ITGA8: variants seen among roughly 807,000 people sequenced by gnomAD.
ITGA8 encodes the protein integrin subunit alpha 8.
In ITGA8, 91 loss-of-function variants were observed where a neutral mutation model predicts 142.3. That is an observed-to-expected ratio of 0.64 (90% confidence interval 0.54 to 0.76). The LOEUF (loss-of-function observed/expected upper bound fraction) is 0.76, where lower values mean the gene tolerates loss of function less well. Among genes scored for constraint, ITGA8 ranks in the 30% least tolerant of loss-of-function variants. The probability of loss-of-function intolerance (pLI) is 0.00; values close to 1 mark genes in which losing one functional copy is unlikely to be tolerated. For synonymous variants in ITGA8, 505 were observed against 485.2 expected (o/e 1.04, Z -0.54); for missense variants, 1,406 against 1,327.7 (o/e 1.06, Z -0.92).
chr10:15,558,077 T>C lies in ITGA8; in HGVS notation c.2763A>G (p.Ile921Met). The change falls in exon 26 of 30, where the codon ATA becomes ATG. Residue 921 changes from isoleucine to methionine, a missense_variant. By Grantham distance (10) the Ile-to-Met change is conservative. Coordinates refer to ENST00000378076, the MANE Select transcript of ITGA8 (RefSeq NM_003638.3). Reference sequence around the variant, plus strand: ...TATGCACACTGGGATAACTCACCAGTATTTTTGCAGGGCTCTGTCTGTGGA... The same window carrying C: ...TATGCACACTGGGATAACTCACCAGCATTTTTGCAGGGCTCTGTCTGTGGA... ...VEFHRQSPAKILNCTNIECLQ... is the reference protein window; with the variant it reads ...VEFHRQSPAKMLNCTNIECLQ... 6.2e-7 allele frequency: 1 copy of C among 1,613,962 alleles called. No individual in the cohort carries two copies. Among genetic ancestry groups the C allele is most frequent in the Non-Finnish European group, 8.5e-7 (1 of 1,180,024 alleles).
At chr10:15,650,579 C>T (rs899658249) in intron 11 of ITGA8, among the ~76,000 whole-genome samples, 1 of 152,126 alleles carries the variant, frequency 6.6e-6, no homozygotes, top group African/African-American at 2.4e-5. Context: ...AGATGCGGCC[C>T]CTTGACCTTG....
chr10:15,545,401 C>T (rs1177999984), intron 27 of ITGA8, among the ~76,000 whole-genome samples: 1 of 152,224 alleles, frequency 6.6e-6, no homozygotes, highest in Non-Finnish European at 1.5e-5. Flanking sequence ...TGGACTATTG[C>T]AGTAGCTTCC....
chr10:15,661,358 C>G (rs566557971), intron 8 of ITGA8, among the ~76,000 whole-genome samples: 1 of 152,270 alleles, frequency 6.6e-6, no homozygotes, highest in South Asian at 2.1e-4. Flanking sequence ...CCATCCCTCA[C>G]CCCCACATCT....
intron 28 of ITGA8, among the ~76,000 whole-genome samples, chr10:15,524,715 G>C (rs1006411097): frequency 2.0e-5 from 3 of 152,200 alleles, no homozygotes; most frequent in African/African-American, 7.2e-5. Context: ...CGACTTAACT[G>C]ATCACTTTTA....
chr10:15,622,609 A>AACC (rs760656535), intron 13 of ITGA8, among the ~76,000 whole-genome samples: 431 of 114,972 alleles, frequency 3.7e-3, no homozygotes, highest in Non-Finnish European at 7.3e-3. Flanking sequence ...AAACAAAAAA[A>AACC]AAACCACATG....
intron 26 of ITGA8, 138 bp from the exon 27 acceptor site, chr10:15,548,706 A>C: frequency 1.8e-6 from 1 of 546,236 alleles, no homozygotes; most frequent in Non-Finnish European, 3.1e-6. Context: ...AGAACAATAT[A>C]TTGCAACAAC....
At position 15,517,260 on chromosome 10, in the gene ITGA8, T is replaced by G. The variant is rs1201709542; in HGVS notation, c.3106-16A>C. On this transcript the variant is annotated splice_polypyrimidine_tract_variant and intron_variant, in intron 29 of 29. Transcript: ENST00000378076. ...AGAATCCACACTATAAAGGGAAAGA[T>G]GGGCTATAAAATCACGTCATTCTGG... 1 of 1,562,864 alleles carries G rather than the reference T, an allele frequency of 6.4e-7. No individual in the cohort carries two copies. Among genetic ancestry groups the G allele is most frequent in the African/African-American group, 1.4e-5 (1 of 72,938 alleles).
At position 15,572,387 on chromosome 10, in the gene ITGA8, G is replaced by GTTATC. The variant is rs780758548; in HGVS notation, c.2479-23_2479-19dup. 45 of 1,611,714 alleles carry GTTATC rather than the reference G, an allele frequency of 2.8e-5. No homozygotes were observed. Among genetic ancestry groups the GTTATC allele is most frequent in the Middle Eastern group, 1.7e-4 (1 of 6,050 alleles). Reference sequence around the variant, plus strand: ...TTGTGCAGCTGTAAACAAGTGACATGTTATCTAATGACCCAGCAGAAGGCA... The same window carrying GTTATC: ...TTGTGCAGCTGTAAACAAGTGACATGTTATCTTATCTAATGACCCAGCAGAAGGCA... On this transcript the variant is annotated intron_variant, in intron 24 of 29. Coordinates refer to ENST00000378076, the MANE Select transcript of ITGA8 (RefSeq NM_003638.3).
intron 2 of ITGA8, among the ~76,000 whole-genome samples, chr10:15,717,050 T>C (rs1835467496): frequency 6.6e-6 from 1 of 152,250 alleles, no homozygotes; most frequent in African/African-American, 2.4e-5. Flanking sequence ...TTCTCTGGTT[T>C]TTAATCTGTT....
chr10:15,520,968 C>A (rs1833055376), intron 28 of ITGA8, among the ~76,000 whole-genome samples: 2 of 152,184 alleles, frequency 1.3e-5, no homozygotes, highest in Admixed American at 1.3e-4. Flanking sequence ...TGAACCCTAG[C>A]ACTGAGCCCT....
chr10:15,527,746 A>ACAAAT (rs1273186117), intron 28 of ITGA8, among the ~76,000 whole-genome samples: 1 of 152,158 alleles, frequency 6.6e-6, no homozygotes, highest in Admixed American at 6.5e-5. Flanking sequence ...CAAACTAATC[A>ACAAAT]TCACACAAAA....
chr10:15,660,970 A>AACAC (rs377666787), intron 8 of ITGA8, 48 bp from the exon 9 acceptor site: 1 of 1,388,828 alleles, frequency 7.2e-7, no homozygotes, highest in African/African-American at 1.4e-5. Flanking sequence ...CACACACACA[A>AACAC]ACACACACAC....
intron 21 of ITGA8, among the ~76,000 whole-genome samples, chr10:15,592,617 T>C (rs1832945950): frequency 6.6e-6 from 1 of 152,214 alleles, no homozygotes; most frequent in Non-Finnish European, 1.5e-5. Flanking sequence ...GATTGATTGA[T>C]TGATTGAGAC....
intron 8 of ITGA8, among the ~76,000 whole-genome samples, chr10:15,662,908 C>T (rs1447323449): frequency 9.8e-5 from 15 of 152,310 alleles, no homozygotes; most frequent in Admixed American, 3.3e-4. Context: ...CACTACACCT[C>T]ACTCTAAAGT....
intron 2 of ITGA8, among the ~76,000 whole-genome samples, chr10:15,711,655 C>G (rs928149044): frequency 3.9e-5 from 6 of 151,958 alleles, no homozygotes; most frequent in Non-Finnish European, 8.8e-5. Flanking sequence ...TCAACCTCCC[C>G]CCCAAAAGAT....
At chr10:15,526,851 A>G (rs775425365) in intron 28 of ITGA8, among the ~76,000 whole-genome samples, 1 of 152,220 alleles carries the variant, frequency 6.6e-6, no homozygotes, top group Non-Finnish European at 1.5e-5. Context: ...TCTTACCTTC[A>G]TCATGTCATA....
chr10:15,661,144 C>T (rs898890185), intron 8 of ITGA8, among the ~76,000 whole-genome samples: 1 of 152,176 alleles, frequency 6.6e-6, no homozygotes, highest in East Asian at 1.9e-4. Context: ...CGAGCCAGAA[C>T]GAAGCTTCAT....
intron 13 of ITGA8, among the ~76,000 whole-genome samples, chr10:15,641,163 C>T (rs900296567): frequency 1.3e-5 from 2 of 152,140 alleles, no homozygotes; most frequent in African/African-American, 4.8e-5. Context: ...AAGCAGTTCT[C>T]CTGCCTCAGC....
At chr10:15,529,228 A>G (rs747593204) in intron 28 of ITGA8, among the ~76,000 whole-genome samples, 1 of 152,140 alleles carries the variant, frequency 6.6e-6, no homozygotes, top group Non-Finnish European at 1.5e-5. Context: ...GTCACTTTCA[A>G]TTTGCACTTA....
Sources: allele counts gnomAD v4.1 joint callset (sites outside exome capture counted in the v4.1 genomes callset), GRCh38; gene constraint gnomAD v4.1.1; transcripts MANE v1.5; gene names NCBI Gene and HGNC (gene_info 2026-07-23, HGNC 2026-07-21).